Variants in INPP4B observed in about 807,000 individuals in gnomAD.
INPP4B encodes inositol polyphosphate-4-phosphatase type II B.
In INPP4B, 55 loss-of-function variants were observed where a neutral mutation model predicts 122.5. The observed-to-expected ratio is 0.45, with a 90% CI of 0.36 to 0.56. The LOEUF (loss-of-function observed/expected upper bound fraction) is 0.56, where lower values mean the gene tolerates loss of function less well. INPP4B is among the 20% of genes least tolerant of loss of function. The probability of loss-of-function intolerance (pLI) is 0.00; values close to 1 mark genes in which losing one functional copy is unlikely to be tolerated. For missense variants in INPP4B, 1,000 were observed against 1,097.7 expected, an observed-to-expected ratio of 0.91 and a Z score of 1.26; for synonymous variants, 403 against 388.7, an observed-to-expected ratio of 1.04 and a Z score of -0.43.
intron 2 of INPP4B, among the ~76,000 whole-genome samples, chr4:142,541,133 T>A (rs576266955): frequency 1.3e-5 from 2 of 152,202 alleles, no homozygotes; most frequent in African/African-American, 2.4e-5. Context: ...ATATTGAGAT[T>A]ATCTTAAACA....
At chr4:142,721,445 C>G (rs1421222605) in intron 2 of INPP4B, among the ~76,000 whole-genome samples, 1 of 152,186 alleles carries the variant, frequency 6.6e-6, no homozygotes, top group Non-Finnish European at 1.5e-5. Context: ...TAAAATTAAG[C>G]TGTCTCCCTT....
rs147549304 is a variant in INPP4B at position 142,385,977 on chromosome 4, C to T, written c.372+16961G>A. Among the ~76,000 whole-genome samples, 410 of 152,196 alleles carry T rather than the reference C, an allele frequency of 2.7e-3. 7 individuals carry two copies. Among genetic ancestry groups the T allele is most frequent in the Admixed American group, 0.026 (393 of 15,254 alleles). On this transcript the variant is annotated intron_variant, in intron 7 of 25. Transcript: ENST00000262992. ...ACCATACATTATTACTAATTATAGTCACCATTCTGTGCAACAGATCACTAA... is the reference window on the plus strand; with the variant it reads ...ACCATACATTATTACTAATTATAGTTACCATTCTGTGCAACAGATCACTAA...
intron 9 of INPP4B, among the ~76,000 whole-genome samples, chr4:142,288,003 C>T (rs1754614268): frequency 6.6e-6 from 1 of 152,098 alleles, no homozygotes; most frequent in South Asian, 2.1e-4. Context: ...TCTCAGGTAT[C>T]CCTTCTTATA....
At chr4:142,041,927 C>T (rs1747844471) in intron 25 of INPP4B, among the ~76,000 whole-genome samples, 1 of 152,180 alleles carries the variant, frequency 6.6e-6, no homozygotes, top group African/African-American at 2.4e-5. Context: ...GTCCTGCTTA[C>T]TCTGCTGCCA....
At chr4:142,680,743 C>T (rs1201751404) in intron 2 of INPP4B, among the ~76,000 whole-genome samples, 1 of 151,812 alleles carries the variant, frequency 6.6e-6, no homozygotes, top group East Asian at 1.9e-4. Flanking sequence ...ATATCCTTTC[C>T]ACCAACTGTC....
At chr4:142,750,227 A>T (rs1769462864) in intron 1 of INPP4B, among the ~76,000 whole-genome samples, 1 of 152,072 alleles carries the variant, frequency 6.6e-6, no homozygotes, top group South Asian at 2.1e-4. Flanking sequence ...ATGCTCCTAC[A>T]AAATATTTAG....
chr4:142,359,721 T>C (rs1784793303), intron 7 of INPP4B, among the ~76,000 whole-genome samples: 2 of 151,990 alleles, frequency 1.3e-5, no homozygotes, highest in Admixed American at 1.3e-4. Context: ...AATAACACAT[T>C]GACTGTATCT....
intron 7 of INPP4B, among the ~76,000 whole-genome samples, chr4:142,355,850 A>G (rs935618988): frequency 1.4e-5 from 2 of 145,846 alleles, no homozygotes; most frequent in Admixed American, 1.4e-4. Flanking sequence ...AATATATTTC[A>G]TGGAGAGAAG....
At chr4:142,246,050 AT>A (rs201075523) in intron 11 of INPP4B, among the ~76,000 whole-genome samples, 640 of 61,522 alleles carry the variant, frequency 0.01, 1 homozygote, top group African/African-American at 0.029. Flanking sequence ...GTATACACAC[AT>A]TATATATATG....
intron 9 of INPP4B, among the ~76,000 whole-genome samples, chr4:142,288,145 C>T (rs977111146): frequency 6.6e-6 from 1 of 152,310 alleles, no homozygotes; most frequent in African/African-American, 2.4e-5. Flanking sequence ...GGAGGGAACA[C>T]AAAAATTCAT....
At chr4:142,152,559 T>A (rs72718482) in intron 17 of INPP4B, among the ~76,000 whole-genome samples, 12,989 of 152,158 alleles carry the variant, frequency 0.085, 698 homozygotes, top group Middle Eastern at 0.17. Context: ...ATAACGACTC[T>A]GAAAATTTTG....
At chr4:142,843,556 A>G (rs187853623) in intron 1 of INPP4B, among the ~76,000 whole-genome samples, 1 of 152,118 alleles carries the variant, frequency 6.6e-6, no homozygotes. Context: ...TAGTTGTGAA[A>G]GACAAAAATT....
chr4:142,652,418 G>T (rs1370671993), intron 2 of INPP4B, among the ~76,000 whole-genome samples: 5 of 152,070 alleles, frequency 3.3e-5, no homozygotes, highest in African/African-American at 9.7e-5. Flanking sequence ...TAGGAAAAGA[G>T]GAAGTCAAAT....
chr4:142,540,977 A>G (rs1282483539), intron 2 of INPP4B, among the ~76,000 whole-genome samples: 2 of 152,202 alleles, frequency 1.3e-5, no homozygotes, highest in Admixed American at 1.3e-4. Flanking sequence ...ATTTACCACT[A>G]TGTTAGACAG....
At chr4:142,542,531 G>T (rs1829055739) in intron 2 of INPP4B, among the ~76,000 whole-genome samples, 1 of 152,048 alleles carries the variant, frequency 6.6e-6, no homozygotes, top group Non-Finnish European at 1.5e-5. Context: ...AATCTTTCTT[G>T]CTTTTACTTA....
chr4:142,596,188 C>T (rs1254838251), intron 2 of INPP4B, among the ~76,000 whole-genome samples: 1 of 152,054 alleles, frequency 6.6e-6, no homozygotes, highest in African/African-American at 2.4e-5. Context: ...TAATTATTCC[C>T]ATGTCTGCTT....
At chr4:142,419,951 C>A (rs1381210151) in intron 5 of INPP4B, among the ~76,000 whole-genome samples, 3 of 152,022 alleles carry the variant, frequency 2.0e-5, no homozygotes, top group African/African-American at 7.2e-5. Flanking sequence ...TCCTCAATTA[C>A]CCCTAAGTAG....
At chr4:142,387,815 C>T (rs889763233) in intron 7 of INPP4B, among the ~76,000 whole-genome samples, 20 of 152,022 alleles carry the variant, frequency 1.3e-4, no homozygotes, top group Admixed American at 6.6e-5. Flanking sequence ...CAGAGGGGTA[C>T]CTTAGGATAG....
intron 2 of INPP4B, among the ~76,000 whole-genome samples, chr4:142,505,441 T>C (rs888191915): frequency 2.6e-5 from 4 of 152,086 alleles, no homozygotes. Context: ...TGGTGCTGGA[T>C]AGCTGGAGTT....
Sources: allele counts gnomAD v4.1 joint callset (sites outside exome capture counted in the v4.1 genomes callset), GRCh38; gene constraint gnomAD v4.1.1; transcripts MANE v1.5; gene names NCBI Gene and HGNC (gene_info 2026-07-23, HGNC 2026-07-21).